MAGI1: variants seen among roughly 807,000 people sequenced by gnomAD.
MAGI1 encodes the protein membrane-associated guanylate kinase, WW and PDZ domain-containing protein 1.
MAGI1 carries 58 observed loss-of-function variants against 139.9 expected under a neutral mutation model. That is an observed-to-expected ratio of 0.41 (90% CI 0.34 to 0.52). MAGI1 has a LOEUF of 0.52. MAGI1 is among the 20% of genes least tolerant of loss of function. The probability of loss-of-function intolerance (pLI) is 0.12; values close to 1 mark genes in which losing one functional copy is unlikely to be tolerated. For synonymous variants in MAGI1, 812 were observed against 737.9 expected (o/e 1.10, Z -1.63); for missense variants, 1,874 against 1,901.6 (o/e 0.99, Z 0.27).
chr3:65,372,746 C>G (rs1942124358), intron 18 of MAGI1, among the ~76,000 whole-genome samples: 1 of 152,228 alleles, frequency 6.6e-6, no homozygotes, highest in Non-Finnish European at 1.5e-5. Context: ...TATATTTGCA[C>G]TTGCTGCTTC....
At chr3:65,432,263 T>C (rs935996488) in intron 10 of MAGI1, among the ~76,000 whole-genome samples, 2 of 152,106 alleles carry the variant, frequency 1.3e-5, no homozygotes, top group African/African-American at 2.4e-5. Context: ...TTATACCCTG[T>C]CCTTGCCACA....
chr3:65,504,471 C>T (rs1476398196), intron 2 of MAGI1, among the ~76,000 whole-genome samples: 2 of 152,136 alleles, frequency 1.3e-5, no homozygotes, highest in African/African-American at 4.8e-5. Flanking sequence ...AAGAATTACA[C>T]AGCTGGTAAG....
intron 1 of MAGI1, among the ~76,000 whole-genome samples, chr3:65,933,858 G>T (rs1322693199): frequency 1.3e-5 from 2 of 152,138 alleles, no homozygotes; most frequent in Non-Finnish European, 2.9e-5. Flanking sequence ...AGGTGCGGGG[G>T]CTCATGCCTA....
intron 1 of MAGI1, among the ~76,000 whole-genome samples, chr3:65,671,929 T>A (rs868162044): frequency 6.6e-6 from 1 of 152,186 alleles, no homozygotes; most frequent in East Asian, 1.9e-4. Context: ...TGACCCGTGA[T>A]AGACTTACAA....
intron 1 of MAGI1, among the ~76,000 whole-genome samples, chr3:65,979,354 G>A (rs2065447890): frequency 6.6e-6 from 1 of 152,088 alleles, no homozygotes; most frequent in African/African-American, 2.4e-5. Flanking sequence ...CATTCTCGCA[G>A]TTAAATTCCG....
At chr3:65,447,208 T>C (rs61584451) in intron 7 of MAGI1, among the ~76,000 whole-genome samples, 4,005 of 152,296 alleles carry the variant, frequency 0.026, 170 homozygotes, top group African/African-American at 0.091. Flanking sequence ...TGCTTTCCTA[T>C]GTATCCATCA....
In MAGI1 at chr3:65,442,801, T is replaced by C; in HGVS notation, c.1127A>G (p.Tyr376Cys). ...GTGAATGGGCACTTACTCTACATAG[T>C]AGATACCATAGACAGGGTCTTCAAT... ...EKIEDPVYGI[Y>C]YVDHINRKTQ... Residue 376 changes from tyrosine to cysteine, a missense_variant, in exon 8 of 23, where the codon TAC becomes TGC. By Grantham distance (194) the Tyr-to-Cys change is radical. Coordinates refer to ENST00000402939, the MANE Select transcript of MAGI1 (RefSeq NM_001033057.2). The C allele has an allele frequency of 1.2e-6, 2 of 1,612,550 alleles. No individual in the cohort carries two copies. Among genetic ancestry groups the C allele is most frequent in the Non-Finnish European group, 1.7e-6 (2 of 1,178,860 alleles).
chr3:65,860,650 C>G (rs1364079913), intron 1 of MAGI1, among the ~76,000 whole-genome samples: 1 of 152,138 alleles, frequency 6.6e-6, no homozygotes, highest in African/African-American at 2.4e-5. Flanking sequence ...AGGATGGTGT[C>G]AAGAGTCTGT....
At chr3:65,761,751 G>A (rs1275154808) in intron 1 of MAGI1, among the ~76,000 whole-genome samples, 1 of 152,126 alleles carries the variant, frequency 6.6e-6, no homozygotes, top group Admixed American at 6.6e-5. Context: ...GATGGCTGCA[G>A]GTAAAACTGA....
intron 1 of MAGI1, among the ~76,000 whole-genome samples, chr3:65,711,764 G>T (rs1009804924): frequency 6.6e-6 from 1 of 152,170 alleles, no homozygotes; most frequent in Non-Finnish European, 1.5e-5. Context: ...CAGCCAAGGA[G>T]CAAGGTCTCA....
chr3:65,751,285 T>C (rs1001027973), intron 1 of MAGI1, among the ~76,000 whole-genome samples: 3 of 152,156 alleles, frequency 2.0e-5, no homozygotes, highest in South Asian at 2.1e-4. Context: ...AGAAAGAAAT[T>C]GTCCTGCCCC....
intron 7 of MAGI1, among the ~76,000 whole-genome samples, chr3:65,445,675 T>G (rs2107456166): frequency 6.6e-6 from 1 of 152,304 alleles, no homozygotes; most frequent in South Asian, 2.1e-4. Flanking sequence ...TGCAGGTGCT[T>G]TTTAATTCTG....
chr3:65,935,372 C>A (rs772829059), intron 1 of MAGI1, among the ~76,000 whole-genome samples: 27 of 152,136 alleles, frequency 1.8e-4, no homozygotes, highest in Admixed American at 3.9e-4. Flanking sequence ...AGGTAGAGGT[C>A]AGGCATGGTG....
At chr3:66,002,145 G>A (rs933838508) in intron 1 of MAGI1, among the ~76,000 whole-genome samples, 14 of 152,092 alleles carry the variant, frequency 9.2e-5, no homozygotes, top group Admixed American at 7.9e-4. Flanking sequence ...GTTCTCCTCA[G>A]GTAAGGATTA....
At chr3:65,627,568 C>T (rs372993062) in intron 1 of MAGI1, among the ~76,000 whole-genome samples, 12 of 120,586 alleles carry the variant, frequency 1.0e-4, no homozygotes, top group East Asian at 2.7e-4. Context: ...AGTTCAGTGA[C>T]GCGATCTTGG....
intron 2 of MAGI1, among the ~76,000 whole-genome samples, chr3:65,527,567 T>C (rs1185095234): frequency 6.6e-6 from 1 of 151,924 alleles, no homozygotes. Context: ...CTACTAAAAA[T>C]ACAAAACATT....
At chr3:65,850,659 C>T (rs895368971) in intron 1 of MAGI1, among the ~76,000 whole-genome samples, 4 of 152,122 alleles carry the variant, frequency 2.6e-5, no homozygotes, top group African/African-American at 4.8e-5. Flanking sequence ...CAGGGGCACA[C>T]TGGAGAAAAA....
chr3:65,996,561 G>A (rs2066461902), intron 1 of MAGI1, among the ~76,000 whole-genome samples: 1 of 144,610 alleles, frequency 6.9e-6, no homozygotes, highest in Non-Finnish European at 1.5e-5. Context: ...GGGGAAGCGA[G>A]CCCCCACTTA....
At chr3:65,363,937 T>C (rs2106740298) in intron 20 of MAGI1, among the ~76,000 whole-genome samples, 1 of 152,244 alleles carries the variant, frequency 6.6e-6, no homozygotes, top group South Asian at 2.1e-4. Context: ...CCCTGACCTG[T>C]GTCCAATAAA....
Sources: allele counts gnomAD v4.1 joint callset (sites outside exome capture counted in the v4.1 genomes callset), GRCh38; gene constraint gnomAD v4.1.1; transcripts MANE v1.5; gene names NCBI Gene and HGNC (gene_info 2026-07-23, HGNC 2026-07-21).